The following LRRTM4 variants were observed in gnomAD, a reference collection of about 807,000 sequenced individuals.
The protein encoded by LRRTM4 is leucine-rich repeat transmembrane neuronal protein 4.
In LRRTM4, 25 loss-of-function variants were observed where a neutral mutation model predicts 47.6. The ratio of observed to expected loss-of-function variants is 0.53; its 90% CI spans 0.38 to 0.73. LRRTM4 has a LOEUF of 0.73. LRRTM4 is among the 30% of genes least tolerant of loss of function. The probability of loss-of-function intolerance (pLI) is 0.00; values close to 1 mark genes in which losing one functional copy is unlikely to be tolerated. For synonymous variants in LRRTM4, 311 were observed against 269.5 expected (o/e 1.15, Z -1.51); for missense variants, 638 against 713.4 (o/e 0.89, Z 1.20).
At chr2:77,304,086 G>A (rs190926642) in intron 3 of LRRTM4, among the ~76,000 whole-genome samples, 6 of 151,978 alleles carry the variant, frequency 3.9e-5, no homozygotes, top group Admixed American at 3.3e-4. Context: ...AGTGTGCAAG[G>A]GTTCCTTTTT....
At chr2:76,888,897 T>A (rs2104144306) in intron 3 of LRRTM4, among the ~76,000 whole-genome samples, 1 of 152,040 alleles carries the variant, frequency 6.6e-6, no homozygotes, top group African/African-American at 2.4e-5. Flanking sequence ...AAGAGAAAGC[T>A]GTGAGACTAA....
intron 3 of LRRTM4, among the ~76,000 whole-genome samples, chr2:76,817,579 T>C (rs1670937143): frequency 6.6e-6 from 1 of 151,948 alleles, no homozygotes; most frequent in Non-Finnish European, 1.5e-5. Flanking sequence ...AGCTAGTAAA[T>C]TGGTGAGATT....
chr2:76,945,261 G>C (rs557736927), intron 3 of LRRTM4, among the ~76,000 whole-genome samples: 1 of 152,122 alleles, frequency 6.6e-6, no homozygotes, highest in South Asian at 2.1e-4. Flanking sequence ...AGCAACTAGC[G>C]TGCCTAAATG....
intron 3 of LRRTM4, among the ~76,000 whole-genome samples, chr2:77,053,033 C>T (rs376341502): frequency 3.3e-5 from 5 of 151,542 alleles, no homozygotes; most frequent in African/African-American, 9.7e-5. Context: ...TAACATAGTT[C>T]GGGTAAAATG....
intron 3 of LRRTM4, among the ~76,000 whole-genome samples, chr2:77,221,467 C>A (rs1265438444): frequency 1.3e-5 from 2 of 152,102 alleles, no homozygotes; most frequent in Admixed American, 1.3e-4. Flanking sequence ...ACCCATCTCA[C>A]ATGCAGAGAC....
intron 3 of LRRTM4, among the ~76,000 whole-genome samples, chr2:77,053,093 G>C (rs1679493525): frequency 6.6e-6 from 1 of 152,138 alleles, no homozygotes; most frequent in Admixed American, 6.6e-5. Context: ...AGTCCTTGGT[G>C]ATAACTACAA....
intron 3 of LRRTM4, among the ~76,000 whole-genome samples, chr2:76,778,345 C>T (rs1180522226): frequency 2.1e-5 from 3 of 140,808 alleles, no homozygotes; most frequent in Admixed American, 2.1e-4. Flanking sequence ...GTACCAGTTC[C>T]TCCTTGTACC....
intron 3 of LRRTM4, among the ~76,000 whole-genome samples, chr2:77,507,733 G>A (rs1678831825): frequency 6.6e-6 from 1 of 152,032 alleles, no homozygotes; most frequent in Non-Finnish European, 1.5e-5. Flanking sequence ...GGTCTCTGTG[G>A]TTCAGAAGTT....
intron 3 of LRRTM4, among the ~76,000 whole-genome samples, chr2:77,170,610 C>A (rs1010685478): frequency 6.6e-6 from 1 of 152,060 alleles, no homozygotes; most frequent in Non-Finnish European, 1.5e-5. Flanking sequence ...AAAACTAATA[C>A]ATGGTCATTT....
chr2:76,751,235 T>C (rs575738582), intron 3 of LRRTM4, among the ~76,000 whole-genome samples: 1 of 152,306 alleles, frequency 6.6e-6, no homozygotes, highest in East Asian at 1.9e-4. Context: ...ACTTGTATAA[T>C]TCACTGTTTT....
intron 3 of LRRTM4, among the ~76,000 whole-genome samples, chr2:76,979,541 G>GTATATATATACATATATATATA (rs71245361): frequency 7.1e-5 from 9 of 126,958 alleles, no homozygotes; most frequent in African/African-American, 3.1e-4. Context: ...CTGAATTTCT[G>GTATATATATACATATATATATA]TATATATATA....
intron 3 of LRRTM4, among the ~76,000 whole-genome samples, chr2:77,379,470 C>A (rs1361351380): frequency 6.6e-6 from 1 of 152,146 alleles, no homozygotes; most frequent in East Asian, 1.9e-4. Context: ...TCTTCCCACA[C>A]ACGGCATGTT....
chr2:76,761,056 C>T (rs1673235970), intron 3 of LRRTM4, among the ~76,000 whole-genome samples: 1 of 152,174 alleles, frequency 6.6e-6, no homozygotes, highest in Non-Finnish European at 1.5e-5. Flanking sequence ...TAGAAAGCAT[C>T]CCTGGTGATT....
chr2:77,067,741 A>T (rs1680009457), intron 3 of LRRTM4, among the ~76,000 whole-genome samples: 1 of 150,760 alleles, frequency 6.6e-6, no homozygotes, highest in African/African-American at 2.5e-5. Context: ...AAAAATGAAG[A>T]AAACGGAAGT....
chr2:76,916,091 A>G (rs1170050370), intron 3 of LRRTM4, among the ~76,000 whole-genome samples: 2 of 152,158 alleles, frequency 1.3e-5, no homozygotes, highest in African/African-American at 4.8e-5. Flanking sequence ...AAAATGACAC[A>G]CAGAACAGAT....
chr2:76,849,440 T>C (rs1164967255), intron 3 of LRRTM4, among the ~76,000 whole-genome samples: 2 of 152,092 alleles, frequency 1.3e-5, no homozygotes, highest in African/African-American at 2.4e-5. Context: ...TTCCCAGATG[T>C]ATTGTGGGGG....
chr2:76,980,752 T>G (rs1676576085), intron 3 of LRRTM4, among the ~76,000 whole-genome samples: 1 of 152,100 alleles, frequency 6.6e-6, no homozygotes, highest in Non-Finnish European at 1.5e-5. Flanking sequence ...AGATTTCTAG[T>G]GTTTGAAACT....
At chr2:77,029,635 T>A (rs940759460) in intron 3 of LRRTM4, among the ~76,000 whole-genome samples, 2 of 152,126 alleles carry the variant, frequency 1.3e-5, no homozygotes, top group African/African-American at 2.4e-5. Context: ...CAGAGATGAA[T>A]GTCAGAAATG....
chr2:76,843,325 T>C (rs1486118126), intron 3 of LRRTM4, among the ~76,000 whole-genome samples: 1 of 152,152 alleles, frequency 6.6e-6, no homozygotes, highest in East Asian at 1.9e-4. Context: ...ATTCCAAAAA[T>C]ATTTAAGATT....
Sources: gnomAD v4.1 joint callset for allele counts (sites outside exome capture counted in the v4.1 genomes callset) on GRCh38, gnomAD v4.1.1 for gene constraint, MANE v1.5 for transcripts, NCBI Gene and HGNC (gene_info 2026-07-23, HGNC 2026-07-21) for gene names.